Variants in RABGAP1 observed in about 807,000 individuals in gnomAD.
The protein encoded by RABGAP1 is rab GTPase-activating protein 1.
A neutral mutation model predicts 137.6 loss-of-function variants in RABGAP1; 23 were observed. That is an observed-to-expected ratio of 0.17 (90% confidence interval 0.12 to 0.24). The LOEUF (loss-of-function observed/expected upper bound fraction) is 0.24. Ranked by LOEUF, RABGAP1 falls within the 10% of genes least tolerant of loss-of-function variation. The pLI is 1.00. For missense variants in RABGAP1, 906 were observed against 1,275.8 expected, an observed-to-expected ratio of 0.71 and a Z score of 4.42; for synonymous variants, 451 against 450.7, an observed-to-expected ratio of 1.00 and a Z score of -0.01.
chr9:123,072,077 C>T (rs1483644585), intron 15 of RABGAP1, among the ~76,000 whole-genome samples: 11 of 152,080 alleles, frequency 7.2e-5, no homozygotes, highest in Admixed American at 3.3e-4. Flanking sequence ...TGCTTGGGAC[C>T]GGAAGTGTTG....
At chr9:123,077,614 GT>G in intron 19 of RABGAP1, among the ~76,000 whole-genome samples, 2 of 25,258 alleles carry the variant, frequency 7.9e-5, no homozygotes, top group Non-Finnish European at 1.4e-4. Flanking sequence ...TCATAACATT[GT>G]ATTGTATTGT....
At chr9:123,089,431 A>G (rs1271536946) in intron 19 of RABGAP1, 2 of 222,626 alleles carry the variant, frequency 9.0e-6, no homozygotes, top group Admixed American at 1.0e-4. Flanking sequence ...CAGCACTGGT[A>G]TATGCTAAAT....
chr9:122,976,960 T>A (rs1003363932), intron 2 of RABGAP1, among the ~76,000 whole-genome samples: 4 of 152,232 alleles, frequency 2.6e-5, no homozygotes, highest in African/African-American at 9.6e-5. Context: ...AAAGTATGGG[T>A]GCTTGAAAGT....
chr9:123,015,559 C>T lies in RABGAP1; in HGVS notation c.1566C>T (p.Leu522=). ...DDEEEDNDEP[L]LSGSGDVSKE... ...TTATTATAGATAATGATGAACCTCT[C>T]CTGAGTGGATCTGGTGATGTATCCA... Residue 522 remains leucine (L), a synonymous_variant, in exon 12 of 26, where the codon CTC becomes CTT. Transcript: ENST00000373647. 12 of 1,610,676 alleles carry T rather than the reference C, an allele frequency of 7.5e-6. No individual in the cohort carries two copies. Among genetic ancestry groups the T allele is most frequent in the Non-Finnish European group, 1.0e-5 (12 of 1,177,510 alleles).
Position 123,020,463 on chromosome 9 carries a change from A to G in RABGAP1, c.1794+4A>G. The G allele has an allele frequency of 1.3e-6, 2 of 1,554,740 alleles. No homozygotes were observed. Among genetic ancestry groups the G allele is most frequent in the Non-Finnish European group, 1.7e-6 (2 of 1,146,356 alleles). On this transcript the variant is annotated splice_donor_region_variant and intron_variant, in intron 13 of 25. Coordinates refer to ENST00000373647, the MANE Select transcript of RABGAP1 (RefSeq NM_012197.4). ...ATACCGCATTCTTATCACAAAGGTA[A>G]GGGGGTGATAATTCAGCTTCAGCAT...
At chr9:123,023,999 T>C (rs1005528306) in intron 13 of RABGAP1, among the ~76,000 whole-genome samples, 1 of 152,210 alleles carries the variant, frequency 6.6e-6, no homozygotes, top group Non-Finnish European at 1.5e-5. Flanking sequence ...TTTGTCATCA[T>C]CTTGCATTAG....
At chr9:122,945,464 T>G (rs1411204023) in intron 1 of RABGAP1, 1 of 152,168 alleles carries the variant, frequency 6.6e-6, no homozygotes, top group Non-Finnish European at 1.5e-5. Flanking sequence ...AAGATTGTTT[T>G]CTATCAGACT....
chr9:123,092,535 G>A (rs761999774), intron 21 of RABGAP1, among the ~76,000 whole-genome samples: 14 of 150,614 alleles, frequency 9.3e-5, no homozygotes, highest in Non-Finnish European at 2.1e-4. Flanking sequence ...AGCAGAGCCA[G>A]GCCCATGGAA....
intron 10 of RABGAP1, among the ~76,000 whole-genome samples, chr9:123,002,367 TA>T (rs1279384609): frequency 8.2e-5 from 2 of 24,336 alleles, no homozygotes; most frequent in Non-Finnish European, 2.0e-4. Context: ...TATATATATA[TA>T]TTTTTTTTTT....
rs1023190004 is a variant in RABGAP1, at chr9:123,103,742, G to C, written c.*529G>C. 4.7e-5 allele frequency: 7 copies of C among 149,866 alleles called. No homozygotes were observed. Among genetic ancestry groups the C allele is most frequent in the Non-Finnish European group, 8.9e-5 (6 of 67,476 alleles). The allele number at this position is 149,866 out of a possible 1,614,324, so 9.3% of individuals were successfully genotyped here. On this transcript the variant is annotated 3_prime_UTR_variant, in exon 26 of 26. Coordinates refer to ENST00000373647, the MANE Select transcript of RABGAP1 (RefSeq NM_012197.4). Reference sequence around the variant, plus strand: ...TGGAGAAGCACTTTGTTTTAAATAGGAGGGTTTCATAGTTGCATCTGAAGC... The same window carrying C: ...TGGAGAAGCACTTTGTTTTAAATAGCAGGGTTTCATAGTTGCATCTGAAGC...
At chr9:122,973,008 C>CTT (rs200957439) in intron 2 of RABGAP1, among the ~76,000 whole-genome samples, 1 of 143,482 alleles carries the variant, frequency 7.0e-6, no homozygotes. Flanking sequence ...AGGTATATTT[C>CTT]TTTTTTTTTT....
intron 21 of RABGAP1, among the ~76,000 whole-genome samples, chr9:123,096,536 G>C (rs2035188088): frequency 6.6e-6 from 1 of 152,186 alleles, no homozygotes; most frequent in Admixed American, 6.5e-5. Context: ...ATGGCCTTTT[G>C]AATCTGCGTA....
intron 13 of RABGAP1, among the ~76,000 whole-genome samples, chr9:123,053,376 A>G (rs781599893): frequency 1.8e-4 from 27 of 152,318 alleles, no homozygotes; most frequent in Non-Finnish European, 3.2e-4. Flanking sequence ...CATGAGTGCT[A>G]TGTAATTAGG....
intron 2 of RABGAP1, among the ~76,000 whole-genome samples, chr9:122,966,783 T>C (rs1379283300): frequency 6.6e-6 from 1 of 152,144 alleles, no homozygotes; most frequent in Non-Finnish European, 1.5e-5. Flanking sequence ...TTAATGGACT[T>C]ACAGTTCCAC....
At chr9:122,958,060 G>T (rs901600014) in intron 2 of RABGAP1, among the ~76,000 whole-genome samples, 18 of 152,112 alleles carry the variant, frequency 1.2e-4, no homozygotes, top group African/African-American at 4.3e-4. Flanking sequence ...TATCCCTACT[G>T]CTCAGTTAGG....
chr9:123,100,383 A>AT (rs1491327467), intron 24 of RABGAP1, among the ~76,000 whole-genome samples: 1 of 136,476 alleles, frequency 7.3e-6, no homozygotes, highest in East Asian at 2.3e-4. Flanking sequence ...GTTTAACCAG[A>AT]TGTGTGTGTG....
intron 13 of RABGAP1, among the ~76,000 whole-genome samples, chr9:123,040,564 C>A (rs1270267486): frequency 1.3e-5 from 2 of 152,230 alleles, no homozygotes; most frequent in East Asian, 3.9e-4. Flanking sequence ...AGATTCTTTG[C>A]AAGTCTTAGT....
chr9:122,957,045 A>G lies in RABGAP1; in HGVS notation c.-15A>G. On this transcript the variant is annotated 5_prime_UTR_variant, in exon 2 of 26. Transcript: ENST00000373647. ...AATATTTAATCATTCATGTGTTGAG[A>G]CTCATTCTTGAGTTATGGATGACAA... The G allele has an allele frequency of 6.7e-7, 1 of 1,484,202 alleles. No individual in the cohort carries two copies. 91.9% of individuals were successfully genotyped at this position (1,484,202 alleles called of 1,614,324 possible).
intron 14 of RABGAP1, among the ~76,000 whole-genome samples, chr9:123,069,576 A>C (rs1588372325): frequency 8.3e-5 from 1 of 12,042 alleles, no homozygotes; most frequent in South Asian, 4.5e-3. Context: ...TGTCTCTATT[A>C]AAAAAAAAAA....
Sources: gnomAD v4.1 joint callset for allele counts (sites outside exome capture counted in the v4.1 genomes callset) on GRCh38, gnomAD v4.1.1 for gene constraint, MANE v1.5 for transcripts, NCBI Gene and HGNC (gene_info 2026-07-23, HGNC 2026-07-21) for gene names.